KCNIP4: variants seen among roughly 807,000 people sequenced by gnomAD.
KCNIP4 encodes Kv channel-interacting protein 4.
In KCNIP4, 12 loss-of-function variants were observed where a neutral mutation model predicts 34.0. That is an observed-to-expected ratio of 0.35 (90% CI 0.23 to 0.57). KCNIP4 has a LOEUF of 0.57. Among genes scored for constraint, KCNIP4 ranks in the 20% least tolerant of loss-of-function variants. The pLI is 0.83. For missense variants in KCNIP4, 238 were observed against 311.7 expected (o/e 0.76, Z 1.78); for synonymous variants, 124 against 102.2 (o/e 1.21, Z -1.29).
chr4:21,750,427 A>G (rs943566994), intron 1 of KCNIP4, among the ~76,000 whole-genome samples: 23 of 152,164 alleles, frequency 1.5e-4, no homozygotes, highest in African/African-American at 5.6e-4. Context: ...CTGGAGTGAC[A>G]CCAGCATTTC....
chr4:21,679,020 T>G (rs964157155), intron 1 of KCNIP4, among the ~76,000 whole-genome samples: 1 of 152,064 alleles, frequency 6.6e-6, no homozygotes, highest in South Asian at 2.1e-4. Flanking sequence ...ACAGCATAGA[T>G]GGCATGAAGA....
intron 3 of KCNIP4, among the ~76,000 whole-genome samples, chr4:20,773,145 C>T (rs1167603141): frequency 6.6e-6 from 1 of 152,114 alleles, no homozygotes; most frequent in Non-Finnish European, 1.5e-5. Context: ...AACAGCCCCT[C>T]GCTTATGAGC....
chr4:21,184,617 C>T (rs1289770948), intron 1 of KCNIP4, among the ~76,000 whole-genome samples: 2 of 152,144 alleles, frequency 1.3e-5, no homozygotes, highest in Admixed American at 1.3e-4. Flanking sequence ...TTGTGTGTTC[C>T]ACTTAGGTTC....
chr4:20,778,640 G>T (rs1230694590), intron 3 of KCNIP4, among the ~76,000 whole-genome samples: 1 of 152,106 alleles, frequency 6.6e-6, no homozygotes, highest in African/African-American at 2.4e-5. Context: ...GCAACCTATT[G>T]TTATCTCAAA....
chr4:21,927,197 G>T (rs1475848736), intron 1 of KCNIP4, among the ~76,000 whole-genome samples: 2 of 152,232 alleles, frequency 1.3e-5, no homozygotes, highest in East Asian at 3.9e-4. Context: ...TTACCTATGA[G>T]GACCCATGTG....
intron 1 of KCNIP4, among the ~76,000 whole-genome samples, chr4:21,014,957 A>G (rs1739371421): frequency 6.6e-6 from 1 of 152,200 alleles, no homozygotes; most frequent in Admixed American, 6.6e-5. Flanking sequence ...ATTCTGACAT[A>G]TGCTATGGCA....
chr4:21,009,067 T>C (rs1345146281), intron 1 of KCNIP4, among the ~76,000 whole-genome samples: 1 of 152,202 alleles, frequency 6.6e-6, no homozygotes, highest in Admixed American at 6.5e-5. Flanking sequence ...TGGATCATAA[T>C]GATCAAATAG....
chr4:21,631,607 C>T (rs888306675), intron 1 of KCNIP4, among the ~76,000 whole-genome samples: 24 of 152,182 alleles, frequency 1.6e-4, no homozygotes, highest in Admixed American at 1.0e-3. Context: ...TGCAACTCCA[C>T]GGTATAAAAA....
In KCNIP4 at chr4:21,313,843, G is replaced by A. The variant is rs375920129; in HGVS notation, c.62-431134C>T. Among the ~76,000 whole-genome samples the A allele has an allele frequency of 1.2e-4, 19 of 152,226 alleles. No homozygotes were observed. The East Asian group carries it at 3.1e-3, about 25-fold the overall frequency. Reference sequence around the variant, plus strand: ...TCAGGATGGCACCTCTCTGAACTACGGTATTGTTTCACAGTTTTCTACTGC... The same window carrying A: ...TCAGGATGGCACCTCTCTGAACTACAGTATTGTTTCACAGTTTTCTACTGC... On this transcript the variant is annotated intron_variant, in intron 1 of 8. Coordinates refer to ENST00000382152, the MANE Select transcript of KCNIP4 (RefSeq NM_025221.6).
At chr4:21,221,805 A>C (rs1758000887) in intron 1 of KCNIP4, among the ~76,000 whole-genome samples, 1 of 152,220 alleles carries the variant, frequency 6.6e-6, no homozygotes, top group Admixed American at 6.5e-5. Flanking sequence ...AAAAGGGCTC[A>C]GAGAAATAAC....
intron 1 of KCNIP4, among the ~76,000 whole-genome samples, chr4:21,095,407 T>C (rs531324817): frequency 2.4e-4 from 37 of 152,280 alleles, no homozygotes; most frequent in Non-Finnish European, 5.0e-4. Flanking sequence ...ATTTCCTCAC[T>C]CCACTTAACC....
At chr4:20,835,147 GT>G (rs1416386273) in intron 3 of KCNIP4, among the ~76,000 whole-genome samples, 1 of 152,108 alleles carries the variant, frequency 6.6e-6, no homozygotes, top group African/African-American at 2.4e-5. Flanking sequence ...TTCAATGCCT[GT>G]TTTTTGAAGG....
intron 1 of KCNIP4, among the ~76,000 whole-genome samples, chr4:21,527,939 A>T (rs1390177703): frequency 2.6e-5 from 4 of 152,130 alleles, no homozygotes; most frequent in Non-Finnish European, 5.9e-5. Flanking sequence ...CCTCCTAGGT[A>T]CAAGTCCCAT....
chr4:21,907,638 C>T (rs1026374222), intron 1 of KCNIP4, among the ~76,000 whole-genome samples: 8 of 152,092 alleles, frequency 5.3e-5, no homozygotes, highest in African/African-American at 1.4e-4. Flanking sequence ...GCCTTTGAAA[C>T]GAATTCAATA....
intron 2 of KCNIP4, among the ~76,000 whole-genome samples, chr4:20,854,350 T>A (rs532725249): frequency 3.9e-5 from 6 of 152,306 alleles, no homozygotes; most frequent in African/African-American, 1.4e-4. Flanking sequence ...GTGACCTGAA[T>A]GAGATTGGAG....
chr4:21,938,261 T>G (rs942881285), intron 1 of KCNIP4, among the ~76,000 whole-genome samples: 8 of 152,140 alleles, frequency 5.3e-5, no homozygotes, highest in Non-Finnish European at 1.0e-4. Flanking sequence ...AGTCTGTGCT[T>G]GGTGTTATTA....
intron 1 of KCNIP4, among the ~76,000 whole-genome samples, chr4:21,504,663 C>G (rs906748602): frequency 1.3e-5 from 2 of 152,028 alleles, no homozygotes; most frequent in East Asian, 3.9e-4. Flanking sequence ...GAGGAAACAT[C>G]CAGGCTGAAC....
intron 3 of KCNIP4, among the ~76,000 whole-genome samples, chr4:20,845,530 G>T (rs1177347010): frequency 6.6e-6 from 1 of 152,018 alleles, no homozygotes; most frequent in African/African-American, 2.4e-5. Flanking sequence ...GACTCAGCCC[G>T]CTCACATCCA....
chr4:20,791,189 A>G (rs1712707017), intron 3 of KCNIP4, among the ~76,000 whole-genome samples: 1 of 152,206 alleles, frequency 6.6e-6, no homozygotes, highest in Non-Finnish European at 1.5e-5. Flanking sequence ...AAAAATATCA[A>G]ACTAAAATTC....
Sources: allele counts gnomAD v4.1 joint callset (sites outside exome capture counted in the v4.1 genomes callset), GRCh38; gene constraint gnomAD v4.1.1; transcripts MANE v1.5; gene names NCBI Gene and HGNC (gene_info 2026-07-23, HGNC 2026-07-21).